Variants in FAT3 observed in about 807,000 individuals in gnomAD.
The protein encoded by FAT3 is protocadherin Fat 3.
FAT3 carries 95 observed loss-of-function variants against 310.2 expected under a neutral mutation model. That is an observed-to-expected ratio of 0.31 (90% confidence interval 0.26 to 0.36). The LOEUF (loss-of-function observed/expected upper bound fraction) is 0.36, where lower values mean the gene tolerates loss of function less well. FAT3 is among the 10% of genes least tolerant of loss of function. The pLI is 1.00. For synonymous variants in FAT3, 2,314 were observed against 2,192.9 expected, an observed-to-expected ratio of 1.06 and a Z score of -1.54; for missense variants, 5,408 against 5,715.6, an observed-to-expected ratio of 0.95 and a Z score of 1.74.
At chr11:92,253,710 A>G (rs1865214251) in intron 1 of FAT3, among the ~76,000 whole-genome samples, 1 of 152,110 alleles carries the variant, frequency 6.6e-6, no homozygotes, top group African/African-American at 2.4e-5. Context: ...AAGCAATACT[A>G]TTTTTAGTCA....
At chr11:92,256,003 C>G (rs551676565) in intron 1 of FAT3, among the ~76,000 whole-genome samples, 2 of 152,272 alleles carry the variant, frequency 1.3e-5, no homozygotes, top group African/African-American at 4.8e-5. Context: ...GTGTTGCACT[C>G]TGCTGTAAAT....
At chr11:92,765,212 A>G (rs1565576775) in intron 6 of FAT3, 123 bp downstream of exon 6, 7 of 860,774 alleles carry the variant, frequency 8.1e-6, no homozygotes, top group Non-Finnish European at 1.2e-5. Context: ...AAAGATGTAT[A>G]GTGCTGGAAT....
At chr11:92,746,536 C>G (rs1397403099) in intron 4 of FAT3, among the ~76,000 whole-genome samples, 2 of 152,126 alleles carry the variant, frequency 1.3e-5, no homozygotes, top group Non-Finnish European at 2.9e-5. Context: ...TGGGCCCTCC[C>G]AAATCTCATG....
chr11:92,806,487 C>T lies in FAT3; in HGVS notation c.9219C>T (p.Asn3073=), dbSNP rs1319501781. 6.4e-7 allele frequency: 1 copy of T among 1,553,612 alleles called. No individual in the cohort carries two copies. Among genetic ancestry groups the T allele is most frequent in the South Asian group, 1.2e-5 (1 of 83,952 alleles). The part of the protein sequence containing the change: ...YIRYSLYGSG[N]SEFFLDPESG... ...GATACTCACTCTATGGATCTGGAAACAGTGAATTTTTTCTAGATCCAGAAA... is the reference window on the plus strand; with the variant it reads ...GATACTCACTCTATGGATCTGGAAATAGTGAATTTTTTCTAGATCCAGAAA... The change falls in exon 12 of 28, where the codon AAC becomes AAT. Residue 3073 remains asparagine (N), a synonymous_variant. Transcript: ENST00000525166.
chr11:92,742,486 G>A (rs1945534681), intron 4 of FAT3, among the ~76,000 whole-genome samples: 1 of 152,224 alleles, frequency 6.6e-6, no homozygotes, highest in Non-Finnish European at 1.5e-5. Context: ...TGGTTTGGAT[G>A]TGTCCGCCAA....
intron 2 of FAT3, among the ~76,000 whole-genome samples, chr11:92,486,152 T>TTTA: frequency 7.1e-6 from 1 of 140,830 alleles, no homozygotes; most frequent in South Asian, 2.3e-4. Context: ...TTTTTTTTTT[T>TTTA]TTTTTTGGTA....
chr11:92,761,247 T>C (rs577290213), intron 4 of FAT3, among the ~76,000 whole-genome samples: 2 of 152,318 alleles, frequency 1.3e-5, no homozygotes, highest in South Asian at 4.1e-4. Context: ...AGATGGTGCC[T>C]TCTGGTCATG....
rs1282892221 is a variant in FAT3 at position 92,797,748 on chromosome 11, C to T, written c.4823-88C>T. 1.2e-5 allele frequency: 14 copies of T among 1,134,230 alleles called. No individual in the cohort carries two copies. The East Asian group carries it at 2.9e-4, about 23-fold the overall frequency. The allele number at this position is 1,134,230 out of a possible 1,614,324, so 70.3% of individuals were successfully genotyped here. ...TAATTGCTTTCTACTTGCCACATTG[C>T]AGTAAGGTACCTATAGATAAAGAGT... On this transcript the variant is annotated intron_variant, in intron 9 of 27. Transcript: ENST00000525166.
intron 1 of FAT3, among the ~76,000 whole-genome samples, chr11:92,342,881 A>C (rs1341944074): frequency 1.3e-5 from 2 of 152,156 alleles, no homozygotes; most frequent in South Asian, 2.1e-4. Flanking sequence ...TCCTCTCCTT[A>C]CTTTTTTTTT....
At chr11:92,622,618 G>T (rs1941138258) in intron 3 of FAT3, among the ~76,000 whole-genome samples, 1 of 152,104 alleles carries the variant, frequency 6.6e-6, no homozygotes, top group African/African-American at 2.4e-5. Flanking sequence ...TATATCAACT[G>T]TCTAGCTGAA....
At chr11:92,447,222 CGTGTGTGT>C (rs34833885) in intron 2 of FAT3, among the ~76,000 whole-genome samples, 54 of 146,398 alleles carry the variant, frequency 3.7e-4, no homozygotes, top group East Asian at 3.3e-3. Flanking sequence ...TATATGTGTG[CGTGTGTGT>C]GTGTGTGTGT....
intron 2 of FAT3, among the ~76,000 whole-genome samples, chr11:92,495,569 G>T (rs1952729123): frequency 6.6e-6 from 1 of 152,062 alleles, no homozygotes; most frequent in Non-Finnish European, 1.5e-5. Flanking sequence ...AGCTTTGAAA[G>T]TTGTTTACTG....
intron 3 of FAT3, among the ~76,000 whole-genome samples, chr11:92,672,465 G>A (rs1943158645): frequency 6.6e-6 from 1 of 152,170 alleles, no homozygotes; most frequent in Non-Finnish European, 1.5e-5. Context: ...TGTTTTAAAT[G>A]GTTGTCTCTT....
chr11:92,524,494 A>T (rs1245774728), intron 2 of FAT3, 140 bp from the exon 3 acceptor site: 2 of 685,778 alleles, frequency 2.9e-6, no homozygotes, highest in African/African-American at 3.6e-5. Flanking sequence ...AAAGAGTGAC[A>T]TCTTAATTTA....
At chr11:92,782,668 A>G (rs982543477) in intron 7 of FAT3, among the ~76,000 whole-genome samples, 1 of 152,208 alleles carries the variant, frequency 6.6e-6, no homozygotes. Flanking sequence ...AATCTCCAAA[A>G]TTCTAAAGCC....
intron 2 of FAT3, among the ~76,000 whole-genome samples, chr11:92,393,567 G>T (rs1458206127): frequency 1.3e-5 from 2 of 152,138 alleles, no homozygotes; most frequent in Non-Finnish European, 2.9e-5. Flanking sequence ...GATAAGCACA[G>T]CTTGTGTTTG....
chr11:92,419,571 A>G (rs2134971593), intron 2 of FAT3, among the ~76,000 whole-genome samples: 1 of 152,248 alleles, frequency 6.6e-6, no homozygotes, highest in East Asian at 1.9e-4. Context: ...TATTTCTTTT[A>G]TACCTCAGCT....
At chr11:92,466,920 TTG>T (rs1951777875) in intron 2 of FAT3, among the ~76,000 whole-genome samples, 1 of 152,004 alleles carries the variant, frequency 6.6e-6, no homozygotes, top group African/African-American at 2.4e-5. Context: ...ACTCATCATT[TTG>T]TATGGCTGCA....
rs145221622 is a variant in FAT3 at position 92,520,511 on chromosome 11, A to C, written c.3293-4123A>C. Among the ~76,000 whole-genome samples the C allele has an allele frequency of 3.8e-4, 58 of 152,188 alleles. No individual in the cohort carries two copies. In the East Asian group the frequency reaches 9.9e-3, roughly 26 times the overall value. On this transcript the variant is annotated intron_variant, in intron 2 of 27. Coordinates refer to ENST00000525166, the MANE Select transcript of FAT3 (RefSeq NM_001367949.2). ...ACCTCAATTTTTAAAAAAAGTAATA[A>C]AGAATGCATTGTGGTTGTCACAATG...
Sources: gnomAD v4.1 joint callset for allele counts (sites outside exome capture counted in the v4.1 genomes callset) on GRCh38, gnomAD v4.1.1 for gene constraint, MANE v1.5 for transcripts, NCBI Gene and HGNC (gene_info 2026-07-23, HGNC 2026-07-21) for gene names.